SP7: variants seen among roughly 807,000 people sequenced by gnomAD.
The protein encoded by SP7 is Sp7 transcription factor.
A neutral mutation model predicts 27.9 loss-of-function variants in SP7; 13 were observed. That is an observed-to-expected ratio of 0.47 (90% CI 0.30 to 0.74). The LOEUF (loss-of-function observed/expected upper bound fraction) is 0.74. SP7 is among the 30% of genes least tolerant of loss of function. SP7 has a pLI of 0.06. For synonymous variants in SP7, 219 were observed against 226.7 expected, an observed-to-expected ratio of 0.97 and a Z score of 0.31; for missense variants, 525 against 558.0, an observed-to-expected ratio of 0.94 and a Z score of 0.60.
In SP7 at chr12:53,328,713, A is replaced by T; in HGVS notation, c.729T>A (p.Ser243Arg). The change falls in exon 3 of 3, where the codon AGT becomes AGA. Residue 243 changes from serine (S) to arginine (R), a missense_variant. Ser to Arg is a moderately radical substitution (Grantham distance 110). Transcript: ENST00000536324. This position sits in a 1 kb window ranked among gnomAD's most constrained non-coding sequence, Gnocchi z 5.1. ...AVGNSGQLEG[S>R]GGAKPPRGAS... The stretch of plus-strand genomic sequence containing the variant: ...CACCCCGTGGGGGTTTGGCTCCACC[A>T]CTCCCTTCTAGCTGCCCACTATTTC... The T allele has an allele frequency of 6.2e-7, 1 of 1,604,124 alleles. No individual in the cohort carries two copies. Among genetic ancestry groups the T allele is most frequent in the East Asian group, 2.2e-5 (1 of 44,594 alleles).
In SP7 at chr12:53,328,680, A is replaced by G. The variant is rs571825592; in HGVS notation, c.762T>C (p.Thr254=). 2.7e-4 allele frequency: 427 copies of G among 1,607,794 alleles called. 5 individuals are homozygous for G. Among genetic ancestry groups the G allele is most frequent in the Non-Finnish European group, 1.9e-5 (22 of 1,175,634 alleles). The stretch of plus-strand genomic sequence containing the variant: ...TGCCCCCATATCCACCACTACCCCC[A>G]GTGCTTGCACCCCGTGGGGGTTTGG... ...GGAKPPRGAS[T]GGSGGYGGSG... Residue 254 remains threonine (T), a synonymous_variant, in exon 3 of 3, where the codon ACT becomes ACC. Transcript: ENST00000536324. The surrounding 1 kb of genome is among the most constrained non-coding windows in gnomAD (Gnocchi z 5.1).
chr12:53,332,822 G>A (rs957293752), intron 2 of SP7, among the ~76,000 whole-genome samples: 6 of 152,068 alleles, frequency 3.9e-5, no homozygotes, highest in Admixed American at 3.3e-4. Context: ...CCCAGACCAG[G>A]CCACTCCTCC....
At chr12:53,337,969 AAAC>A (rs572212743), upstream of SP7, among the ~76,000 whole-genome samples, 39 of 152,020 alleles carry the variant, frequency 2.6e-4, no homozygotes, top group African/African-American at 6.3e-4. Context: ...GTGTGGCTTT[AAAC>A]AACAACAACA....
At position 53,328,411 on chromosome 12, in the gene SP7, T is replaced by C. The variant is rs1427939895; in HGVS notation, c.1031A>G (p.His344Arg). The C allele has an allele frequency of 6.2e-7, 1 of 1,613,810 alleles. No individual in the cohort carries two copies. The highest frequency in any genetic ancestry group is 8.5e-7 in the Non-Finnish European group (1 of 1,179,848). The change falls in exon 3 of 3, where the codon CAT becomes CGT. Residue 344 changes from histidine (H) to arginine (R), a missense_variant. Physicochemically the swap from His to Arg is conservative, Grantham distance 29. Coordinates refer to ENST00000536324, the MANE Select transcript of SP7 (RefSeq NM_001173467.3). The surrounding 1 kb of genome is among the most constrained non-coding windows in gnomAD (Gnocchi z 5.1). The part of the protein sequence containing the change: ...RFTRSDELER[H>R]VRTHTREKKF... ...CTTCTCCCGGGTGTGAGTGCGCACA[T>C]GACGCTCCAGCTCATCCGAACGAGT...
chr12:53,341,132 A>G (rs1414378999), upstream of SP7, among the ~76,000 whole-genome samples: 1 of 152,186 alleles, frequency 6.6e-6, no homozygotes, highest in Non-Finnish European at 1.5e-5. Context: ...AAATATGTAC[A>G]CAAATTTACA....
chr12:53,331,244 G>A (rs1243578615), intron 2 of SP7, among the ~76,000 whole-genome samples: 2 of 152,164 alleles, frequency 1.3e-5, no homozygotes, highest in East Asian at 3.9e-4. Flanking sequence ...AGCTAAGGTG[G>A]GTGGATCACT....
intron 2 of SP7, among the ~76,000 whole-genome samples, chr12:53,331,365 G>A (rs1415874246): frequency 1.3e-5 from 2 of 151,580 alleles, no homozygotes; most frequent in South Asian, 2.1e-4. Flanking sequence ...CCAGCTATTC[G>A]GGAGGCTGAG....
chr12:53,332,845 C>A (rs75821839), intron 2 of SP7, among the ~76,000 whole-genome samples: 2 of 152,144 alleles, frequency 1.3e-5, no homozygotes, highest in Non-Finnish European at 2.9e-5. Flanking sequence ...TCTTCTCCCC[C>A]CTGACCGCCC....
In SP7 at chr12:53,328,790, G is replaced by T; in HGVS notation, c.652C>A (p.Pro218Thr). 6.3e-7 allele frequency: 1 copy of T among 1,597,780 alleles called. No individual in the cohort carries two copies. Among genetic ancestry groups the T allele is most frequent in the Non-Finnish European group, 8.6e-7 (1 of 1,168,604 alleles). Reference sequence around the variant, plus strand: ...TGGGGCAAGACATGCTGGGGCCCTGGTTGCAAGAGGTGGGGAGCTGGGTAG... The same window carrying T: ...TGGGGCAAGACATGCTGGGGCCCTGTTTGCAAGAGGTGGGGAGCTGGGTAG... Reference protein sequence around the residue: ...APYPAPHLLQPGPQHVLPQDV... With the variant: ...APYPAPHLLQTGPQHVLPQDV... The change falls in exon 3 of 3, where the codon CCA becomes ACA. Residue 218 changes from proline (P) to threonine (T), a missense_variant. Physicochemically the swap from Pro to Thr is conservative, Grantham distance 38. Transcript: ENST00000536324. This position sits in a 1 kb window ranked among gnomAD's most constrained non-coding sequence, Gnocchi z 5.1.
rs780423874 is a variant in SP7, at chr12:53,335,608, G to A, written c.21+18C>T. 36 of 1,399,294 alleles carry A rather than the reference G, an allele frequency of 2.6e-5. No individual in the cohort carries two copies. The highest frequency in any genetic ancestry group is 2.1e-5 in the Non-Finnish European group (21 of 1,008,358). The allele number at this position is 1,399,294 out of a possible 1,614,324, so 86.7% of individuals were successfully genotyped here. A position where few individuals can be genotyped will look rare whatever the true frequency, so the allele number is the denominator to read the frequency against. On this transcript the variant is annotated intron_variant, in intron 2 of 2. Transcript: ENST00000536324. ...TAAGGTTGTGGCTGGTTTCCTGGGG[G>A]GAAGAGGGGACAGTTACCTCAAGCA...
At chr12:53,338,103 G>T (rs1944787746), upstream of SP7, among the ~76,000 whole-genome samples, 1 of 141,334 alleles carries the variant, frequency 7.1e-6, no homozygotes, top group African/African-American at 2.6e-5. Context: ...GCATAGCCAG[G>T]TCCGGAGGAG....
intron 2 of SP7, among the ~76,000 whole-genome samples, chr12:53,330,605 T>C (rs1944693409): frequency 6.6e-6 from 1 of 152,114 alleles, no homozygotes; most frequent in African/African-American, 2.4e-5. Context: ...GGAAGTAGGT[T>C]TGGAGCAGAT....
upstream of SP7, among the ~76,000 whole-genome samples, chr12:53,337,576 C>T (rs1463236807): frequency 6.6e-6 from 1 of 152,238 alleles, no homozygotes; most frequent in Non-Finnish European, 1.5e-5. Flanking sequence ...CCTTTCCACT[C>T]TCCTCACTCT....
chr12:53,328,520 C>G lies in SP7; in HGVS notation c.922G>C (p.Ala308Pro), dbSNP rs1259042215. The G allele has an allele frequency of 3.7e-6, 6 of 1,613,806 alleles. No homozygotes were observed. Among genetic ancestry groups the G allele is most frequent in the African/African-American group, 2.7e-5 (2 of 74,938 alleles). ...IPGCGKVYGKASHLKAHLRWH... is the reference protein window; with the variant it reads ...IPGCGKVYGKPSHLKAHLRWH... ...CGCAAGTGGGCCTTCAGGTGCGAAG[C>G]CTTGCCATACACCTTGCCGCAGCCA... The change falls in exon 3 of 3, where the codon GCT (alanine) becomes CCT (proline). Residue 308 changes from alanine (A) to proline (P), a missense_variant. Coordinates refer to ENST00000536324, the MANE Select transcript of SP7 (RefSeq NM_001173467.3). The surrounding 1 kb of genome is among the most constrained non-coding windows in gnomAD (Gnocchi z 5.1).
Position 53,328,533 on chromosome 12 carries a change from C to T in SP7, c.909G>A (p.Lys303=). ...TCAGGTGCGAAGCCTTGCCATACACCTTGCCGCAGCCAGGGATGTGGCAGC... is the reference window on the plus strand; with the variant it reads ...TCAGGTGCGAAGCCTTGCCATACACTTTGCCGCAGCCAGGGATGTGGCAGC... ...IHSCHIPGCG[K]VYGKASHLKA... is the part of the protein sequence containing the mutation. The change falls in exon 3 of 3, where the codon AAG becomes AAA. Residue 303 remains lysine (K), a synonymous_variant. Transcript: ENST00000536324. This position sits in a 1 kb window ranked among gnomAD's most constrained non-coding sequence, Gnocchi z 5.1. The T allele has an allele frequency of 6.2e-7, 1 of 1,613,124 alleles. No homozygotes were observed. The highest frequency in any genetic ancestry group is 8.5e-7 in the Non-Finnish European group (1 of 1,179,212).
At chr12:53,339,952 C>T (rs1362426612), upstream of SP7, among the ~76,000 whole-genome samples, 1 of 152,038 alleles carries the variant, frequency 6.6e-6, no homozygotes, top group African/African-American at 2.4e-5. Context: ...GTGAGCAGAG[C>T]CCCTGAAATA....
intron 1 of SP7, among the ~76,000 whole-genome samples, chr12:53,341,843 G>A (rs1181844380): frequency 3.3e-5 from 5 of 152,178 alleles, no homozygotes; most frequent in Admixed American, 2.6e-4. Flanking sequence ...GGCGGATCAC[G>A]AGGTCAGGAG....
chr12:53,328,046 A>T lies in SP7; in HGVS notation c.*100T>A. Reference sequence around the variant, plus strand: ...AGACAGAGGGAGAGAGCCCCGAAGGATGGCATGCATGGGGTAAAGAGAGTG... The same window carrying T: ...AGACAGAGGGAGAGAGCCCCGAAGGTTGGCATGCATGGGGTAAAGAGAGTG... On this transcript the variant is annotated 3_prime_UTR_variant, in exon 3 of 3. Transcript: ENST00000536324. This position sits in a 1 kb window ranked among gnomAD's most constrained non-coding sequence, Gnocchi z 5.1. 1 of 1,240,740 alleles carries T rather than the reference A, an allele frequency of 8.1e-7. No individual in the cohort carries two copies. Among genetic ancestry groups the T allele is most frequent in the Non-Finnish European group, 1.1e-6 (1 of 912,932 alleles). 76.9% of individuals were successfully genotyped at this position (1,240,740 alleles called of 1,614,324 possible). A position where few individuals can be genotyped will look rare whatever the true frequency, so the allele number is the denominator to read the frequency against.
chr12:53,339,463 C>T (rs1050691082), upstream of SP7, among the ~76,000 whole-genome samples: 1 of 151,994 alleles, frequency 6.6e-6, no homozygotes, highest in African/African-American at 2.4e-5. Flanking sequence ...CAGTGGCTCA[C>T]GCCGGTAATC....
Sources: gnomAD v4.1 joint callset for allele counts (sites outside exome capture counted in the v4.1 genomes callset) on GRCh38, gnomAD v4.1.1 for gene constraint, Gnocchi (gnomAD v3.1) non-coding constraint, MANE v1.5 for transcripts, NCBI Gene and HGNC (gene_info 2026-07-23, HGNC 2026-07-21) for gene names.